The following ZNF676 variants were observed in gnomAD, a reference collection of about 807,000 sequenced individuals.
The protein encoded by ZNF676 is zinc finger protein 676.
In ZNF676, 4 loss-of-function variants were observed where a neutral mutation model predicts 6.0. The ratio of observed to expected loss-of-function variants is 0.67; its 90% CI spans 0.33 to 1.53. ZNF676 has a LOEUF of 1.53. Ranked by LOEUF, ZNF676 falls within the 40% of genes most tolerant of loss-of-function variation. The pLI is 0.06. For synonymous variants in ZNF676, 198 were observed against 223.1 expected, an observed-to-expected ratio of 0.89 and a Z score of 1.00; for missense variants, 644 against 679.7, an observed-to-expected ratio of 0.95 and a Z score of 0.58.
At chr19:22,207,983 T>TA (rs59890557) in intron 1 of ZNF676, among the ~76,000 whole-genome samples, 49,045 of 128,982 alleles carry the variant, frequency 0.38, 8,440 homozygotes, top group South Asian at 0.45. Context: ...TTAAAAATTA[T>TA]AAAAAAAAAA....
At chr19:22,231,953 G>T in the ZNF676 span, among the ~76,000 whole-genome samples, 1 of 151,874 alleles carries the variant, frequency 6.6e-6, no homozygotes, top group African/African-American at 2.4e-5. Context: ...GTTTTTTTAA[G>T]TCAAAACTCT....
the ZNF676 span, among the ~76,000 whole-genome samples, chr19:22,257,963 G>C: frequency 6.6e-6 from 1 of 152,200 alleles, no homozygotes; most frequent in South Asian, 2.1e-4. Context: ...GTCACATCAT[G>C]TAGGAGCTGG....
At chr19:22,241,531 AT>A in the ZNF676 span, among the ~76,000 whole-genome samples, 95 of 151,986 alleles carry the variant, frequency 6.3e-4, 4 homozygotes, top group African/African-American at 2.3e-3. Context: ...GTCTGTGTTC[AT>A]GTGGAAGGAT....
intron 2 of ZNF676, among the ~76,000 whole-genome samples, chr19:22,190,809 TCA>T (rs1057263823): frequency 2.0e-5 from 3 of 151,432 alleles, no homozygotes; most frequent in Non-Finnish European, 4.4e-5. Context: ...GGAATATCAC[TCA>T]GTTTTCAAAA....
the ZNF676 span, among the ~76,000 whole-genome samples, chr19:22,249,134 A>C: frequency 6.6e-6 from 1 of 152,218 alleles, no homozygotes; most frequent in Non-Finnish European, 1.5e-5. Context: ...AATGCCTTTT[A>C]TCTCATGTGA....
chr19:22,204,114 T>G (rs556115063), intron 1 of ZNF676: 1 of 152,314 alleles, frequency 6.6e-6, no homozygotes, highest in Non-Finnish European at 1.5e-5. Flanking sequence ...ATCACCTGTC[T>G]TTATTTATCC....
the ZNF676 span, among the ~76,000 whole-genome samples, chr19:22,257,566 C>A: frequency 6.6e-6 from 1 of 152,230 alleles, no homozygotes; most frequent in African/African-American, 2.4e-5. Flanking sequence ...GGGGCAGAGC[C>A]CATACAGGAG....
In ZNF676 at chr19:22,180,544, C is replaced by T. The variant is rs542107044; in HGVS notation, c.1173G>A (p.Lys391=). 1.0e-5 allele frequency: 16 copies of T among 1,607,234 alleles called. No homozygotes were observed. The highest frequency in any genetic ancestry group is 3.4e-5 in the Admixed American group (2 of 59,212). The part of the protein sequence containing the change: ...NTHKAIHAEE[K]PYKCEECGKA... Reference sequence around the variant, plus strand: ...TGCCACATTCTTCACATTTGTAGGGCTTCTCTTCAGCATGAATTGCCTTAT... The same window carrying T: ...TGCCACATTCTTCACATTTGTAGGGTTTCTCTTCAGCATGAATTGCCTTAT... Residue 391 remains lysine, a synonymous_variant, in exon 3 of 3, where the codon AAG becomes AAA. Coordinates refer to ENST00000397121, the MANE Select transcript of ZNF676 (RefSeq NM_001001411.3).
At position 22,196,735 on chromosome 19, in the gene ZNF676, C is replaced by G; in HGVS notation, c.-102G>C. 1 of 1,589,958 alleles carries G rather than the reference C, an allele frequency of 6.3e-7. No homozygotes were observed. Among genetic ancestry groups the G allele is most frequent in the Non-Finnish European group, 8.6e-7 (1 of 1,159,332 alleles). ...CTAAATGTCAATGCTCCCTGGAAAA[C>G]ACACACAAACACATATATTTACCAA... On this transcript the variant is annotated 5_prime_UTR_variant, in exon 1 of 3. Coordinates refer to ENST00000397121, the MANE Select transcript of ZNF676 (RefSeq NM_001001411.3).
At chr19:22,202,318 T>C (rs2024034342) in intron 1 of ZNF676, among the ~76,000 whole-genome samples, 1 of 152,094 alleles carries the variant, frequency 6.6e-6, no homozygotes, top group Admixed American at 6.6e-5. Context: ...ACCTATAAAG[T>C]TTGTAGAAAT....
upstream of ZNF676, among the ~76,000 whole-genome samples, chr19:22,216,956 A>G (rs2144844399): frequency 6.6e-6 from 1 of 151,870 alleles, no homozygotes; most frequent in South Asian, 2.1e-4. Flanking sequence ...AAAAGCCAAA[A>G]CATATAAACT....
At position 22,180,716 on chromosome 19, in the gene ZNF676, T is replaced by G. The variant is rs748334900; in HGVS notation, c.1001A>C (p.Glu334Ala). Residue 334 changes from glutamate to alanine, a missense_variant, in exon 3 of 3, where the codon GAG becomes GCG. This residue lies in a region of ZNF676 where 29 missense variants were observed against 44.4 expected (regional missense o/e 0.65). Transcript: ENST00000397121. ...GCATTCTTCACATTTGTAGGGTTTC[T>G]CTCCAGCATGAATTCTCTTGTGTTC... ...LTEHKRIHAG[E>A]KPYKCEECGK... The G allele has an allele frequency of 6.2e-7, 1 of 1,612,548 alleles. No individual in the cohort carries two copies. Among genetic ancestry groups the G allele is most frequent in the African/African-American group, 1.3e-5 (1 of 74,728 alleles).
the ZNF676 span, among the ~76,000 whole-genome samples, chr19:22,247,205 G>A: frequency 1.3e-5 from 2 of 152,018 alleles, no homozygotes; most frequent in Non-Finnish European, 1.5e-5. Context: ...AGACATATTG[G>A]GTTAAAGACC....
the ZNF676 span, among the ~76,000 whole-genome samples, chr19:22,228,084 A>G: frequency 6.6e-6 from 1 of 152,248 alleles, no homozygotes; most frequent in Non-Finnish European, 1.5e-5. Flanking sequence ...TCCCTGATGA[A>G]CATTGATGTG....
chr19:22,244,784 C>T, the ZNF676 span: 56,697 of 152,074 alleles, frequency 0.37, 10,588 homozygotes, highest in African/African-American at 0.44. Context: ...GTCACAAGGC[C>T]GCCTATGGGC....
the ZNF676 span, among the ~76,000 whole-genome samples, chr19:22,224,247 T>G: frequency 6.7e-6 from 1 of 150,238 alleles, no homozygotes; most frequent in East Asian, 1.9e-4. Flanking sequence ...TATGTGTGCT[T>G]TTTAGCGTCA....
the ZNF676 span, among the ~76,000 whole-genome samples, chr19:22,233,337 T>G: frequency 6.6e-6 from 1 of 151,916 alleles, no homozygotes; most frequent in Non-Finnish European, 1.5e-5. Context: ...AAGGTTTTTT[T>G]TCTGAAAATT....
upstream of ZNF676, among the ~76,000 whole-genome samples, chr19:22,201,414 C>G (rs755202198): frequency 2.0e-5 from 3 of 152,118 alleles, no homozygotes; most frequent in Non-Finnish European, 2.9e-5. Flanking sequence ...TCTGTAAATT[C>G]TCAATCCAAA....
the ZNF676 span, among the ~76,000 whole-genome samples, chr19:22,251,878 T>A: frequency 2.0e-5 from 3 of 152,292 alleles, no homozygotes; most frequent in East Asian, 5.8e-4. Context: ...TTCCCAACAT[T>A]TGCCCTTATT....
Sources: gnomAD v4.1 joint callset for allele counts (sites outside exome capture counted in the v4.1 genomes callset) on GRCh38, gnomAD v4.1.1 for gene constraint, gnomAD v4.1.1 regional missense constraint, MANE v1.5 for transcripts, NCBI Gene and HGNC (gene_info 2026-07-23, HGNC 2026-07-21) for gene names.